Variants in RASGEF1B observed in about 807,000 individuals in gnomAD.
RASGEF1B encodes the protein ras-GEF domain-containing family member 1B.
A neutral mutation model predicts 65.7 loss-of-function variants in RASGEF1B; 30 were observed. The observed-to-expected ratio is 0.46, with a 90% CI of 0.34 to 0.62. RASGEF1B has a LOEUF of 0.62. Ranked by LOEUF, RASGEF1B falls within the 20% of genes least tolerant of loss-of-function variation. The pLI is 0.01. For missense variants in RASGEF1B, 495 were observed against 580.1 expected (o/e 0.85, Z 1.51); for synonymous variants, 175 against 194.8 (o/e 0.90, Z 0.85).
intron 1 of RASGEF1B, among the ~76,000 whole-genome samples, chr4:81,469,504 T>C (rs990274787): frequency 6.0e-4 from 91 of 152,292 alleles, no homozygotes; most frequent in Admixed American, 8.5e-4. Context: ...TATTGAATTG[T>C]TTTTATATAG....
chr4:81,452,758 T>C (rs532267449), intron 4 of RASGEF1B: 3 of 152,310 alleles, frequency 2.0e-5, no homozygotes, highest in Admixed American at 2.0e-4. Flanking sequence ...GCTCTTATTA[T>C]AAAGACCAGC....
Position 81,464,359 on chromosome 4 carries a change from A to G in RASGEF1B, c.-6-4845T>C, listed in dbSNP as rs150484016. On this transcript the variant is annotated intron_variant, in intron 1 of 13. Transcript: ENST00000264400. ...TTAAATACTGGCATTAATTTACCAT[A>G]AAGTCCAACTTCAAAGTAGCTAATT... 2.3e-3 allele frequency among the ~76,000 whole-genome samples: 346 copies of G among 152,354 alleles called. 2 individuals carry two copies. Among genetic ancestry groups the G allele is most frequent in the African/African-American group, 7.8e-3 (324 of 41,582 alleles).
intron 10 of RASGEF1B, among the ~76,000 whole-genome samples, chr4:81,438,958 T>C (rs562630504): frequency 6.6e-6 from 1 of 152,266 alleles, no homozygotes; most frequent in East Asian, 1.9e-4. Context: ...ATATTTTCTT[T>C]ATCCAGTCTA....
At chr4:81,441,743 A>C (rs1721845496) in intron 9 of RASGEF1B, among the ~76,000 whole-genome samples, 1 of 151,806 alleles carries the variant, frequency 6.6e-6, no homozygotes, top group Non-Finnish European at 1.5e-5. Flanking sequence ...GGGTTTCGCC[A>C]TGTTGCCCAG....
intron 4 of RASGEF1B, 23 bp downstream of exon 4, chr4:81,456,628 C>A (rs377628641): frequency 6.2e-7 from 1 of 1,613,152 alleles, no homozygotes; most frequent in African/African-American, 1.3e-5. Context: ...TTCCAGCAGC[C>A]GCGCTAAATT....
At chr4:81,456,118 C>G (rs1350536003) in intron 4 of RASGEF1B, 2 of 185,822 alleles carry the variant, frequency 1.1e-5, no homozygotes, top group Non-Finnish European at 2.2e-5. Context: ...TTCCCTTTTA[C>G]CTGGAACTTA....
At chr4:81,457,724 T>C in intron 2 of RASGEF1B, 103 bp from the exon 3 acceptor site, 1 of 1,319,324 alleles carries the variant, frequency 7.6e-7, no homozygotes, top group Non-Finnish European at 1.0e-6. Context: ...ATCAAGTTCA[T>C]ATGCTGCAGT....
chr4:81,433,984 G>A (rs1372182920), intron 11 of RASGEF1B, 21 bp from the exon 12 acceptor site: 2 of 1,595,754 alleles, frequency 1.3e-6, no homozygotes, highest in African/African-American at 2.7e-5. Flanking sequence ...AGTAAAAAAA[G>A]AATATAAAGG....
intron 2 of RASGEF1B, 163 bp downstream of exon 2, chr4:81,459,169 G>A: frequency 1.7e-6 from 1 of 602,562 alleles, no homozygotes. Context: ...CCTTATCCAG[G>A]CTCGATTTGA....
At chr4:81,439,234 T>C (rs547076080) in intron 10 of RASGEF1B, among the ~76,000 whole-genome samples, 165 of 152,310 alleles carry the variant, frequency 1.1e-3, no homozygotes, top group African/African-American at 3.9e-3. Flanking sequence ...TGTGTTCCTA[T>C]TTCTCCACAG....
intron 9 of RASGEF1B, among the ~76,000 whole-genome samples, 174 bp downstream of exon 9, chr4:81,442,123 C>T (rs1721859274): frequency 6.6e-6 from 1 of 152,208 alleles, no homozygotes; most frequent in African/African-American, 2.4e-5. Context: ...GCAACCAGTA[C>T]ATAACCTGAT....
In RASGEF1B at chr4:81,456,872, G is replaced by A. The variant is rs567275657; in HGVS notation, c.301-84C>T. The A allele has an allele frequency of 4.1e-6, 5 of 1,231,296 alleles. No individual in the cohort carries two copies. In the East Asian group the frequency reaches 1.2e-4, roughly 29 times the overall value. 76.3% of individuals were successfully genotyped at this position (1,231,296 alleles called of 1,614,324 possible). ...CAATAGTTACAAAGAGCGTCACTGAGAAACTTCTAGTGCAAAGTCTTTAGG... is the reference window on the plus strand; with the variant it reads ...CAATAGTTACAAAGAGCGTCACTGAAAAACTTCTAGTGCAAAGTCTTTAGG... On this transcript the variant is annotated intron_variant, in intron 3 of 13. Transcript: ENST00000264400.
intron 13 of RASGEF1B, among the ~76,000 whole-genome samples, chr4:81,429,350 G>A (rs531233958): frequency 2.0e-5 from 3 of 152,274 alleles, no homozygotes; most frequent in African/African-American, 7.2e-5. Flanking sequence ...CAATTTTAAC[G>A]TGGAAACTGT....
chr4:81,451,793 T>C (rs1722270449), intron 4 of RASGEF1B: 1 of 152,276 alleles, frequency 6.6e-6, no homozygotes, highest in African/African-American at 2.4e-5. Flanking sequence ...TATTATTCTA[T>C]GCCTCAGCTG....
At chr4:81,437,187 G>C (rs1254568045) in intron 10 of RASGEF1B, among the ~76,000 whole-genome samples, 1 of 152,112 alleles carries the variant, frequency 6.6e-6, no homozygotes, top group African/African-American at 2.4e-5. Context: ...TGGCCCTCAG[G>C]CCTCTTTTTT....
At chr4:81,464,934 AT>A (rs1281115535) in intron 1 of RASGEF1B, among the ~76,000 whole-genome samples, 10 of 151,858 alleles carry the variant, frequency 6.6e-5, no homozygotes, top group Non-Finnish European at 1.2e-4. Context: ...AAAATACAAA[AT>A]TAGCCGGGCA....
At position 81,450,580 on chromosome 4, in the gene RASGEF1B, G is replaced by A. The variant is rs184745657; in HGVS notation, c.439-2296C>T. 8.2e-3 allele frequency among the ~76,000 whole-genome samples: 1,243 copies of A among 151,982 alleles called. 18 individuals are homozygous for A. The highest frequency in any genetic ancestry group is 0.046 in the South Asian group (220 of 4,802). ...ATGCCTTTTGTTTGTTTTTGTTTTT[G>A]TTTTAGTAGAGATGGGGTTTTGCCA... On this transcript the variant is annotated intron_variant, in intron 4 of 13. Coordinates refer to ENST00000264400, the MANE Select transcript of RASGEF1B (RefSeq NM_152545.3).
chr4:81,431,309 C>G, intron 13 of RASGEF1B, among the ~76,000 whole-genome samples: 1 of 150,678 alleles, frequency 6.6e-6, no homozygotes, highest in East Asian at 1.9e-4. Flanking sequence ...TATATATAGG[C>G]ATCAGCCCAA....
At chr4:81,452,718 A>C (rs1203169315) in intron 4 of RASGEF1B, 1 of 152,218 alleles carries the variant, frequency 6.6e-6, no homozygotes, top group Non-Finnish European at 1.5e-5. Context: ...AATGCCAGTG[A>C]CAGTAATTAC....
Sources: gnomAD v4.1 joint callset for allele counts (sites outside exome capture counted in the v4.1 genomes callset) on GRCh38, gnomAD v4.1.1 for gene constraint, MANE v1.5 for transcripts, NCBI Gene and HGNC (gene_info 2026-07-23, HGNC 2026-07-21) for gene names.